The following UGT1A9 variants were observed in gnomAD, a reference collection of about 807,000 sequenced individuals.
UGT1A9 encodes UDP-glucuronosyltransferase 1A9.
A neutral mutation model predicts 45.0 loss-of-function variants in UGT1A9; 35 were observed. The ratio of observed to expected loss-of-function variants is 0.78; its 90% confidence interval spans 0.59 to 1.03. The LOEUF (loss-of-function observed/expected upper bound fraction) is 1.03, where lower values mean the gene tolerates loss of function less well. Ranked by LOEUF, UGT1A9 falls within the 50% of genes least tolerant of loss-of-function variation. The probability of loss-of-function intolerance (pLI) is 0.00; values close to 1 mark genes in which losing one functional copy is unlikely to be tolerated. For synonymous variants in UGT1A9, 278 were observed against 250.6 expected, an observed-to-expected ratio of 1.11 and a Z score of -1.03; for missense variants, 687 against 666.6, an observed-to-expected ratio of 1.03 and a Z score of -0.34.
At chr2:233,708,451 T>G (rs1007401152) in intron 1 of UGT1A9, 1 of 152,222 alleles carries the variant, frequency 6.6e-6, no homozygotes, top group African/African-American at 2.4e-5. Context: ...CTTCTGCATT[T>G]AATAGAATTG....
intron 4 of UGT1A9, 146 bp from the exon 5 acceptor site, chr2:233,772,116 A>C (rs1430946734): frequency 1.3e-6 from 2 of 1,531,304 alleles, no homozygotes; most frequent in Non-Finnish European, 1.8e-6. Flanking sequence ...CTGTATCTAA[A>C]AACAACAACA....
rs45621441 is a variant in UGT1A9, at chr2:233,719,022, C to T, written c.855+46233C>T. On this transcript the variant is annotated intron_variant, in intron 1 of 4. Transcript: ENST00000354728. ...GGTCCTCACCCCAGAGGTGAATATG[C>T]ACATCAAAGAAGAGAAATTTTTCAC... 2,685 of 1,614,218 alleles carry T rather than the reference C, an allele frequency of 1.7e-3. 14 individuals are homozygous for T. The highest frequency in any genetic ancestry group is 3.6e-3 in the Middle Eastern group (22 of 6,062).
At chr2:233,693,920 C>G in intron 1 of UGT1A9, 1 of 1,611,066 alleles carries the variant, frequency 6.2e-7, no homozygotes, top group Non-Finnish European at 8.5e-7. Context: ...TCTGTCCTCC[C>G]TCACTCATTT....
intron 1 of UGT1A9, among the ~76,000 whole-genome samples, chr2:233,750,390 A>T (rs1292559370): frequency 3.9e-5 from 6 of 151,942 alleles, no homozygotes; most frequent in Admixed American, 2.0e-4. Context: ...AAGTTTGGAA[A>T]ATTTGCAGCC....
chr2:233,713,233 C>G, intron 1 of UGT1A9: 1 of 1,614,226 alleles, frequency 6.2e-7, no homozygotes, highest in Non-Finnish European at 8.5e-7. Context: ...ACAACGTATG[C>G]CATTTCATGG....
intron 1 of UGT1A9, among the ~76,000 whole-genome samples, chr2:233,762,481 T>C (rs948381917): frequency 6.6e-6 from 1 of 152,238 alleles, no homozygotes; most frequent in African/African-American, 2.4e-5. Context: ...ATCACTCCAG[T>C]TTTAAATGCT....
At chr2:233,733,027 T>A (rs2078348048) in intron 1 of UGT1A9, among the ~76,000 whole-genome samples, 1 of 152,200 alleles carries the variant, frequency 6.6e-6, no homozygotes, top group Non-Finnish European at 1.5e-5. Context: ...GTCCTTCACA[T>A]CCCTTTTAAG....
intron 1 of UGT1A9, chr2:233,755,110 CGT>C: frequency 7.5e-7 from 1 of 1,333,642 alleles, no homozygotes; most frequent in Non-Finnish European, 1.0e-6. Flanking sequence ...GACAACACCT[CGT>C]AGGCCTCAGC....
rs201536382 is a variant in UGT1A9, at chr2:233,713,021, G to A, written c.855+40232G>A. On this transcript the variant is annotated intron_variant, in intron 1 of 4. Transcript: ENST00000354728. ...CCACAGGACTCCAGGTTCCCCTGCC[G>A]CAGCTGGCCACAGGACTGCTGCTTC... 56 of 1,613,716 alleles carry A rather than the reference G, an allele frequency of 3.5e-5. No individual in the cohort carries two copies. In the African/African-American group the frequency reaches 4.5e-4, roughly 13 times the overall value.
chr2:233,750,073 G>A (rs535406029), intron 1 of UGT1A9, among the ~76,000 whole-genome samples: 50 of 151,996 alleles, frequency 3.3e-4, no homozygotes, highest in East Asian at 3.9e-4. Flanking sequence ...CTGGGTAACA[G>A]GCAGAGGTTG....
intron 1 of UGT1A9, chr2:233,690,437 T>C (rs2074990213): frequency 7.9e-7 from 1 of 1,273,856 alleles, no homozygotes; most frequent in African/African-American, 1.5e-5. Context: ...TCTTTGGGTC[T>C]CTCCTCTATT....
intron 1 of UGT1A9, chr2:233,755,212 T>G (rs1192331400): frequency 1.0e-5 from 11 of 1,054,576 alleles, no homozygotes; most frequent in Admixed American, 3.8e-5. Context: ...TACGCCTTCT[T>G]GATACCCTCG....
chr2:233,693,288 G>C (rs763435448), intron 1 of UGT1A9: 20 of 1,614,002 alleles, frequency 1.2e-5, no homozygotes, highest in African/African-American at 2.7e-5. Flanking sequence ...CAATCATTTG[G>C]AAACAATCAC....
intron 1 of UGT1A9, chr2:233,743,624 T>A (rs1166046864): frequency 3.7e-6 from 5 of 1,367,280 alleles, no homozygotes; most frequent in Admixed American, 3.8e-5. Flanking sequence ...CCTGAAGACG[T>A]CGGCTGGGTC....
chr2:233,755,496 C>G (rs1460614171), intron 1 of UGT1A9: 1 of 187,824 alleles, frequency 5.3e-6, no homozygotes, highest in African/African-American at 2.4e-5. Context: ...TGTGATGCTC[C>G]AAGACCAGGC....
chr2:233,712,086 T>A (rs2076214187), intron 1 of UGT1A9, among the ~76,000 whole-genome samples: 1 of 152,220 alleles, frequency 6.6e-6, no homozygotes, highest in Admixed American at 6.5e-5. Flanking sequence ...AAGGCCTGGA[T>A]GAATGGACAC....
At chr2:233,735,907 G>A (rs1349886995) in intron 1 of UGT1A9, among the ~76,000 whole-genome samples, 1 of 151,990 alleles carries the variant, frequency 6.6e-6, no homozygotes, top group African/African-American at 2.4e-5. Context: ...TTCCCTTTGT[G>A]GGTAACCCGA....
chr2:233,734,937 T>C lies in UGT1A9; in HGVS notation c.856-32097T>C, dbSNP rs140853448. 9.9e-3 allele frequency among the ~76,000 whole-genome samples: 1,505 copies of C among 152,312 alleles called. 23 individuals are homozygous for C. Among genetic ancestry groups the C allele is most frequent in the African/African-American group, 0.035 (1,436 of 41,556 alleles). On this transcript the variant is annotated intron_variant, in intron 1 of 4. Coordinates refer to ENST00000354728, the MANE Select transcript of UGT1A9 (RefSeq NM_021027.3). ...CTAAGGAGTGCTTTACTTACAATCA[T>C]ATGGTCAGTTTTAGAATAAGTGTGA...
rs1386510659 is a variant in UGT1A9, at chr2:233,729,572, T to C, written c.856-37462T>C. The C allele has an allele frequency of 3.1e-6, 5 of 1,613,976 alleles. No homozygotes were observed. The Admixed American group carries it at 6.7e-5, about 22-fold the overall frequency. On this transcript the variant is annotated intron_variant, in intron 1 of 4. Transcript: ENST00000354728. ...CTGAATGCTACTTCCTTTGATGTGG[T>C]TTTAACAGACCCCGTTAACCTCTGC...
Sources: gnomAD v4.1 joint callset for allele counts (sites outside exome capture counted in the v4.1 genomes callset) on GRCh38, gnomAD v4.1.1 for gene constraint, MANE v1.5 for transcripts, NCBI Gene and HGNC (gene_info 2026-07-23, HGNC 2026-07-21) for gene names.